ATRNL1: variants seen among roughly 807,000 people sequenced by gnomAD.
ATRNL1 encodes attractin like 1.
A neutral mutation model predicts 182.7 loss-of-function variants in ATRNL1; 95 were observed. The observed-to-expected ratio is 0.52, with a 90% CI of 0.44 to 0.62. ATRNL1 has a LOEUF of 0.62. Ranked by LOEUF, ATRNL1 falls within the 20% of genes least tolerant of loss-of-function variation. ATRNL1 has a pLI of 0.00. For synonymous variants in ATRNL1, 576 were observed against 568.3 expected (o/e 1.01, Z -0.19); for missense variants, 1,471 against 1,679.5 (o/e 0.88, Z 2.17).
At chr10:115,856,704 C>T (rs1479606604) in intron 28 of ATRNL1, among the ~76,000 whole-genome samples, 1 of 152,038 alleles carries the variant, frequency 6.6e-6, no homozygotes, top group African/African-American at 2.4e-5. Flanking sequence ...GCGCAGTTCA[C>T]AATAGGGTTC....
intron 20 of ATRNL1, among the ~76,000 whole-genome samples, chr10:115,407,521 A>G (rs931160107): frequency 1.1e-4 from 16 of 151,952 alleles, no homozygotes; most frequent in Non-Finnish European, 1.5e-5. Flanking sequence ...ACTTCATGTA[A>G]TGTCTTCCAG....
chr10:115,777,024 A>G (rs1453149436), intron 27 of ATRNL1, among the ~76,000 whole-genome samples: 2 of 152,180 alleles, frequency 1.3e-5, no homozygotes, highest in African/African-American at 2.4e-5. Flanking sequence ...AAATGTACTG[A>G]TGTCTCTAAC....
chr10:115,333,819 G>A (rs1358722879), intron 18 of ATRNL1, among the ~76,000 whole-genome samples: 1 of 151,912 alleles, frequency 6.6e-6, no homozygotes, highest in African/African-American at 2.4e-5. Context: ...TTTACTATTA[G>A]TTTACTTTAT....
In ATRNL1 at chr10:115,315,746, A is replaced by G; in HGVS notation, c.3037+10A>G. On this transcript the variant is annotated intron_variant, in intron 18 of 28. Transcript: ENST00000355044. Reference sequence around the variant, plus strand: ...TTTATCCAGTGTCCAGGTAATAATAATGTAATGGAAACAATTTCAGTTTCT... The same window carrying G: ...TTTATCCAGTGTCCAGGTAATAATAGTGTAATGGAAACAATTTCAGTTTCT... 1 of 1,600,676 alleles carries G rather than the reference A, an allele frequency of 6.2e-7. No individual in the cohort carries two copies. Among genetic ancestry groups the G allele is most frequent in the South Asian group, 1.1e-5 (1 of 90,254 alleles).
intron 27 of ATRNL1, among the ~76,000 whole-genome samples, chr10:115,826,539 C>T (rs1413364680): frequency 1.3e-5 from 2 of 152,128 alleles, no homozygotes; most frequent in Non-Finnish European, 2.9e-5. Context: ...CCTCCTGCAG[C>T]TGGTGAGCAG....
At chr10:115,207,110 C>A (rs1848828211) in intron 8 of ATRNL1, among the ~76,000 whole-genome samples, 1 of 152,042 alleles carries the variant, frequency 6.6e-6, no homozygotes, top group Admixed American at 6.6e-5. Flanking sequence ...TGGGTTTGTT[C>A]CGAGTCTTTG....
At chr10:115,235,193 T>A (rs782601489) in intron 9 of ATRNL1, among the ~76,000 whole-genome samples, 1 of 152,188 alleles carries the variant, frequency 6.6e-6, no homozygotes, top group Non-Finnish European at 1.5e-5. Context: ...TCTTCTCCCA[T>A]GGCTGGTGAA....
At chr10:115,557,240 G>A (rs868949199) in intron 26 of ATRNL1, among the ~76,000 whole-genome samples, 3 of 152,184 alleles carry the variant, frequency 2.0e-5, no homozygotes, top group South Asian at 2.1e-4. Context: ...TAGATCTATC[G>A]AAGAGGCAGG....
At chr10:115,814,953 A>C (rs1465985978) in intron 27 of ATRNL1, among the ~76,000 whole-genome samples, 4 of 152,192 alleles carry the variant, frequency 2.6e-5, no homozygotes, top group Non-Finnish European at 5.9e-5. Context: ...TGTGAAATGA[A>C]CATTTTCAGA....
chr10:115,745,834 T>C (rs1475439209), intron 27 of ATRNL1, among the ~76,000 whole-genome samples: 1 of 152,098 alleles, frequency 6.6e-6, no homozygotes, highest in African/African-American at 2.4e-5. Context: ...ACGTTAGTTT[T>C]CCCATAGCTA....
At chr10:115,572,177 A>G (rs764239502) in intron 26 of ATRNL1, among the ~76,000 whole-genome samples, 1 of 152,198 alleles carries the variant, frequency 6.6e-6, no homozygotes, top group African/African-American at 2.4e-5. Flanking sequence ...TGTACATTAC[A>G]GTAAATTTTA....
chr10:115,469,458 A>G lies in ATRNL1; in HGVS notation c.3654+129A>G, dbSNP rs1848206166. The G allele has an allele frequency of 9.8e-6, 5 of 512,060 alleles. No homozygotes were observed. The East Asian group carries it at 1.7e-4, about 18-fold the overall frequency. 31.7% of individuals were successfully genotyped at this position (512,060 alleles called of 1,614,324 possible). A position where few individuals can be genotyped will look rare whatever the true frequency, so the allele number is the denominator to read the frequency against. Reference sequence around the variant, plus strand: ...ATACAAAAACATGCATTGACCTTTGATAAATAAAGGTCTGCGAATGTCTGT... The same window carrying G: ...ATACAAAAACATGCATTGACCTTTGGTAAATAAAGGTCTGCGAATGTCTGT... On this transcript the variant is annotated intron_variant, in intron 24 of 28. Transcript: ENST00000355044.
At chr10:115,580,189 T>C (rs1322184915) in intron 26 of ATRNL1, among the ~76,000 whole-genome samples, 9 of 152,128 alleles carry the variant, frequency 5.9e-5, no homozygotes, top group African/African-American at 2.2e-4. Context: ...TGTTTACCTT[T>C]GCTAATGAGT....
intron 18 of ATRNL1, among the ~76,000 whole-genome samples, chr10:115,320,935 G>A (rs1180677795): frequency 1.3e-5 from 2 of 152,056 alleles, no homozygotes; most frequent in East Asian, 1.9e-4. Flanking sequence ...GTGATCATTC[G>A]GAGGAGAATA....
intron 17 of ATRNL1, among the ~76,000 whole-genome samples, chr10:115,313,679 TC>T (rs1854150390): frequency 6.6e-6 from 1 of 151,918 alleles, no homozygotes; most frequent in Non-Finnish European, 1.5e-5. Flanking sequence ...GGTATCATGA[TC>T]CTTTCTTAAG....
chr10:115,917,958 A>G (rs1555117792), intron 28 of ATRNL1, among the ~76,000 whole-genome samples: 1 of 152,214 alleles, frequency 6.6e-6, no homozygotes, highest in Non-Finnish European at 1.5e-5. Flanking sequence ...TTGTTAAAAT[A>G]GTAAATAAGA....
chr10:115,599,213 T>C (rs1162470258), intron 26 of ATRNL1, among the ~76,000 whole-genome samples: 1 of 152,228 alleles, frequency 6.6e-6, no homozygotes, highest in Non-Finnish European at 1.5e-5. Flanking sequence ...CCCTCCTATT[T>C]TATCATTGCC....
At chr10:115,418,685 T>G (rs1357412669) in intron 20 of ATRNL1, among the ~76,000 whole-genome samples, 1 of 152,126 alleles carries the variant, frequency 6.6e-6, no homozygotes, top group African/African-American at 2.4e-5. Context: ...AGAGAGGGTC[T>G]AGAAAGAAGT....
chr10:115,758,566 C>T (rs1555072690), intron 27 of ATRNL1, among the ~76,000 whole-genome samples: 1 of 152,220 alleles, frequency 6.6e-6, no homozygotes, highest in Admixed American at 6.5e-5. Flanking sequence ...TCTGTCGGCT[C>T]CTACTGGGAG....
Sources: allele counts gnomAD v4.1 joint callset (sites outside exome capture counted in the v4.1 genomes callset), GRCh38; gene constraint gnomAD v4.1.1; transcripts MANE v1.5; gene names NCBI Gene and HGNC (gene_info 2026-07-23, HGNC 2026-07-21).